LRP12: variants seen among roughly 807,000 people sequenced by gnomAD.
LRP12 encodes the protein low-density lipoprotein receptor-related protein 12.
A neutral mutation model predicts 66.0 loss-of-function variants in LRP12; 14 were observed. The observed-to-expected ratio is 0.21, with a 90% CI of 0.14 to 0.33. The LOEUF (loss-of-function observed/expected upper bound fraction) is 0.33, where lower values mean the gene tolerates loss of function less well. Ranked by LOEUF, LRP12 falls within the 10% of genes least tolerant of loss-of-function variation. The pLI, the probability that LRP12 is intolerant of heterozygous loss-of-function variation, is 1.00. For missense variants in LRP12, 889 were observed against 1,053.4 expected (o/e 0.84, Z 2.16); for synonymous variants, 357 against 359.1 (o/e 0.99, Z 0.07).
At chr8:104,542,967 T>G (rs1230333556) in intron 1 of LRP12, among the ~76,000 whole-genome samples, 1 of 148,264 alleles carries the variant, frequency 6.7e-6, no homozygotes, top group Non-Finnish European at 1.5e-5. Context: ...GAAAGACATA[T>G]TTGCGTGTGT....
chr8:104,510,632 A>T (rs1810978094), intron 2 of LRP12, among the ~76,000 whole-genome samples: 1 of 152,220 alleles, frequency 6.6e-6, no homozygotes, highest in African/African-American at 2.4e-5. Flanking sequence ...TACAATTTCA[A>T]CAAATTAGAT....
intron 1 of LRP12, among the ~76,000 whole-genome samples, chr8:104,557,645 C>A (rs1352243535): frequency 6.6e-6 from 1 of 152,090 alleles, no homozygotes; most frequent in Non-Finnish European, 1.5e-5. Flanking sequence ...GGAAACACAT[C>A]CCATGCTCAT....
chr8:104,511,780 G>C (rs189539239), intron 2 of LRP12, among the ~76,000 whole-genome samples: 3 of 152,148 alleles, frequency 2.0e-5, no homozygotes, highest in Non-Finnish European at 2.9e-5. Flanking sequence ...CCTGGAATTA[G>C]GGTGCACTGC....
chr8:104,515,162 C>T (rs893258288), intron 2 of LRP12, among the ~76,000 whole-genome samples: 3 of 152,172 alleles, frequency 2.0e-5, no homozygotes, highest in Non-Finnish European at 4.4e-5. Flanking sequence ...ATGGTTTGAA[C>T]TTCATCTTTC....
At chr8:104,505,222 C>A (rs949934275) in intron 3 of LRP12, 4 of 151,234 alleles carry the variant, frequency 2.6e-5, no homozygotes, top group African/African-American at 9.7e-5. Flanking sequence ...GTTTCACCAC[C>A]TTGCCCAGGC....
At chr8:104,521,369 T>G (rs1811149041) in intron 2 of LRP12, among the ~76,000 whole-genome samples, 1 of 151,264 alleles carries the variant, frequency 6.6e-6, no homozygotes, top group Admixed American at 6.6e-5. Context: ...ACATAATTGT[T>G]CAATAAATAT....
rs1810766514 is a variant in LRP12, at chr8:104,498,059, T to C, written c.493A>G (p.Asn165Asp). 1 of 1,594,670 alleles carries C rather than the reference T, an allele frequency of 6.3e-7. No individual in the cohort carries two copies. ...AYFSGKSEEP[N>D]CACDQFRCGN... ...CAACGAAACTGATCACAAGCACAAT[T>C]TGGTTCCTCAGATTTCCCTGTGAAG... is the stretch of plus-strand genomic sequence containing the variant. Residue 165 changes from asparagine to aspartate, a missense_variant, in exon 5 of 7, where the codon AAT becomes GAT. Asn to Asp is a conservative substitution (Grantham distance 23). This residue lies in a region of LRP12 where 800 missense variants were observed against 964.5 expected (regional missense o/e 0.83). Transcript: ENST00000276654.
At chr8:104,503,823 T>C (rs1354433566) in intron 3 of LRP12, among the ~76,000 whole-genome samples, 1 of 152,222 alleles carries the variant, frequency 6.6e-6, no homozygotes, top group Non-Finnish European at 1.5e-5. Flanking sequence ...ATATCACTGA[T>C]TTCTATCTGT....
rs537707234 is a variant in LRP12, at chr8:104,550,203, G to GA, written c.80-18241dup. On this transcript the variant is annotated intron_variant, in intron 1 of 6. Coordinates refer to ENST00000276654, the MANE Select transcript of LRP12 (RefSeq NM_013437.5). Reference sequence around the variant, plus strand: ...AGATACTATTCCAGTTTTACATGCAGAAAAAAAGACTCAAAGAAGAGACTT... The same window carrying GA: ...AGATACTATTCCAGTTTTACATGCAGAAAAAAAAGACTCAAAGAAGAGACTT... Among the ~76,000 whole-genome samples the GA allele has an allele frequency of 1.6e-4, 25 of 152,024 alleles. No individual in the cohort carries two copies. The South Asian group carries it at 4.2e-3, about 25-fold the overall frequency.
chr8:104,546,930 A>G (rs531373600), intron 1 of LRP12, among the ~76,000 whole-genome samples: 10 of 143,914 alleles, frequency 6.9e-5, no homozygotes, highest in African/African-American at 2.3e-4. Context: ...ATATAATTAT[A>G]TATTATATTT....
chr8:104,552,834 C>T (rs970936777), intron 1 of LRP12, among the ~76,000 whole-genome samples: 3 of 152,110 alleles, frequency 2.0e-5, no homozygotes, highest in Non-Finnish European at 4.4e-5. Context: ...CAGAAACATA[C>T]CAAGAAAGCC....
Position 104,549,639 on chromosome 8 carries a change from T to C in LRP12, c.80-17676A>G, listed in dbSNP as rs181983541. Among the ~76,000 whole-genome samples, 447 of 152,232 alleles carry C rather than the reference T, an allele frequency of 2.9e-3. 3 individuals are homozygous for C. The highest frequency in any genetic ancestry group is 0.01 in the African/African-American group (434 of 41,544). ...GGATGGTCTCGATCTCCTGACCTCATGATCCGCCCGCCTCGGCCTCCCAAA... is the reference window on the plus strand; with the variant it reads ...GGATGGTCTCGATCTCCTGACCTCACGATCCGCCCGCCTCGGCCTCCCAAA... On this transcript the variant is annotated intron_variant, in intron 1 of 6. Coordinates refer to ENST00000276654, the MANE Select transcript of LRP12 (RefSeq NM_013437.5).
chr8:104,496,363 G>A (rs191306524), intron 5 of LRP12, among the ~76,000 whole-genome samples: 26 of 152,112 alleles, frequency 1.7e-4, no homozygotes, highest in Admixed American at 1.6e-3. Flanking sequence ...TATTTTCCTA[G>A]GTTATTGCTT....
chr8:104,501,131 TA>T (rs1403507999), intron 3 of LRP12, among the ~76,000 whole-genome samples: 1 of 152,202 alleles, frequency 6.6e-6, no homozygotes, highest in Non-Finnish European at 1.5e-5. Context: ...GAACTCTACA[TA>T]TTATAAACAT....
intron 3 of LRP12, among the ~76,000 whole-genome samples, chr8:104,501,058 T>C (rs1810821570): frequency 6.6e-6 from 1 of 152,252 alleles, no homozygotes; most frequent in South Asian, 2.1e-4. Flanking sequence ...GTTATTTCTA[T>C]TTCTTTTACT....
chr8:104,504,359 AT>A (rs1368351525), intron 3 of LRP12: 3 of 151,950 alleles, frequency 2.0e-5, no homozygotes, highest in African/African-American at 2.4e-5. Context: ...CTACTTTAAA[AT>A]TTACCCTCTA....
chr8:104,557,179 C>T (rs1050861127), intron 1 of LRP12, among the ~76,000 whole-genome samples: 1 of 152,126 alleles, frequency 6.6e-6, no homozygotes, highest in Non-Finnish European at 1.5e-5. Flanking sequence ...AAGTTGAAAG[C>T]ATTTCCCCTG....
intron 1 of LRP12, among the ~76,000 whole-genome samples, chr8:104,544,757 T>C (rs1285351964): frequency 2.0e-5 from 3 of 152,126 alleles, no homozygotes; most frequent in Admixed American, 2.0e-4. Flanking sequence ...TTTCAAAATA[T>C]TCCTGCTTGC....
intron 1 of LRP12, among the ~76,000 whole-genome samples, chr8:104,548,062 T>G (rs1811629015): frequency 8.4e-6 from 1 of 118,690 alleles, no homozygotes; most frequent in South Asian, 2.4e-4. Context: ...ATATTTTGTA[T>G]ATAATATATA....
Sources: gnomAD v4.1 joint callset for allele counts (sites outside exome capture counted in the v4.1 genomes callset) on GRCh38, gnomAD v4.1.1 for gene constraint, gnomAD v4.1.1 regional missense constraint, MANE v1.5 for transcripts, NCBI Gene and HGNC (gene_info 2026-07-23, HGNC 2026-07-21) for gene names.